The following PATJ variants were observed in gnomAD, a reference collection of about 807,000 sequenced individuals.
The protein encoded by PATJ is PATJ crumbs cell polarity complex component, also known as inaD-like protein.
Under a neutral mutation model 224.9 loss-of-function variants are expected in PATJ, and 190 were observed. That is an observed-to-expected ratio of 0.84 (90% CI 0.75 to 0.95). PATJ has a LOEUF of 0.95. Ranked by LOEUF, PATJ falls within the 40% of genes least tolerant of loss-of-function variation. PATJ has a pLI of 0.00. For synonymous variants in PATJ, 769 were observed against 820.3 expected, an observed-to-expected ratio of 0.94 and a Z score of 1.07; for missense variants, 2,121 against 2,270.3, an observed-to-expected ratio of 0.93 and a Z score of 1.34.
intron 28 of PATJ, among the ~76,000 whole-genome samples, chr1:61,992,539 C>T (rs1645130677): frequency 6.6e-6 from 1 of 152,134 alleles, no homozygotes. Flanking sequence ...CATATCTAGA[C>T]AGAGATTTCC....
intron 21 of PATJ, among the ~76,000 whole-genome samples, chr1:61,878,787 ATT>A (rs570059873): frequency 6.9e-6 from 1 of 145,732 alleles, no homozygotes; most frequent in Non-Finnish European, 1.5e-5. Context: ...GAACTTATGG[ATT>A]TTTTTTTTTT....
At chr1:62,142,347 C>CT (rs113854474) in intron 41 of PATJ, among the ~76,000 whole-genome samples, 14 of 148,078 alleles carry the variant, frequency 9.5e-5, no homozygotes, top group Middle Eastern at 3.5e-3. Context: ...TGCCTTGTTA[C>CT]TTTTTTTTTT....
Position 61,795,567 on chromosome 1 carries a change from C to T in PATJ, c.1260+9C>T. 9.6e-6 allele frequency: 15 copies of T among 1,569,330 alleles called. No individual in the cohort carries two copies. Among genetic ancestry groups the T allele is most frequent in the Non-Finnish European group, 1.3e-5 (15 of 1,141,050 alleles). ...ATGACAAAATAGTTGCTGTAAGTAA[C>T]TCGCCTCTGTTTTAGGTTTGATTCT... is the stretch of plus-strand genomic sequence containing the variant. On this transcript the variant is annotated intron_variant, in intron 10 of 43. Transcript: ENST00000642238.
At chr1:61,835,704 T>C (rs1423345820) in intron 17 of PATJ, among the ~76,000 whole-genome samples, 1 of 152,102 alleles carries the variant, frequency 6.6e-6, no homozygotes, top group African/African-American at 2.4e-5. Flanking sequence ...ACGCCCAGCC[T>C]AGGTTAGCCA....
At position 62,161,160 on chromosome 1, in the gene PATJ, T is replaced by C; in HGVS notation, c.*106T>C. ...ACCCTCAACTAAAATGCACCTTCATTCTTATTTCTTGCCCTCTCTGCTCAG... is the reference window on the plus strand; with the variant it reads ...ACCCTCAACTAAAATGCACCTTCATCCTTATTTCTTGCCCTCTCTGCTCAG... On this transcript the variant is annotated 3_prime_UTR_variant, in exon 44 of 44. Transcript: ENST00000642238. 1 of 874,510 alleles carries C rather than the reference T, an allele frequency of 1.1e-6. No individual in the cohort carries two copies. The highest frequency in any genetic ancestry group is 1.6e-6 in the Non-Finnish European group (1 of 633,556). The allele number at this position is 874,510 out of a possible 1,614,324, so 54.2% of individuals were successfully genotyped here. A position where few individuals can be genotyped will look rare whatever the true frequency, so the allele number is the denominator to read the frequency against.
rs758851241 is a variant in PATJ at position 62,127,962 on chromosome 1, C to A, written c.5044-10C>A. On this transcript the variant is annotated splice_polypyrimidine_tract_variant and intron_variant, in intron 39 of 43. Coordinates refer to ENST00000642238, the MANE Select transcript of PATJ (RefSeq NM_001350145.3). ...AAATATAAAAGCATTATGTTTTCTT[C>A]CTTTTTTAGGAGCTCAGTGATGCCC... is the stretch of plus-strand genomic sequence containing the variant. 8.8e-5 allele frequency: 142 copies of A among 1,613,476 alleles called. No individual in the cohort carries two copies. The highest frequency in any genetic ancestry group is 1.1e-4 in the Non-Finnish European group (135 of 1,179,698).
chr1:61,931,431 G>A (rs1323015469), intron 27 of PATJ, among the ~76,000 whole-genome samples: 3 of 152,142 alleles, frequency 2.0e-5, no homozygotes, highest in Non-Finnish European at 2.9e-5. Context: ...ATGATAGCAT[G>A]AGAATAAGTG....
intron 1 of PATJ, among the ~76,000 whole-genome samples, chr1:61,758,179 A>G (rs1645756785): frequency 1.3e-5 from 2 of 152,206 alleles, no homozygotes; most frequent in Admixed American, 6.6e-5. Context: ...GAAGCCGCAG[A>G]CACAGATGAG....
intron 27 of PATJ, among the ~76,000 whole-genome samples, chr1:61,965,547 A>G (rs1682006434): frequency 6.6e-6 from 1 of 152,204 alleles, no homozygotes; most frequent in African/African-American, 2.4e-5. Context: ...AACCAGTGGA[A>G]CCTTTTTAAT....
Position 62,065,259 on chromosome 1 carries a change from C to G in PATJ, c.4126-14191C>G, listed in dbSNP as rs950363800. Among the ~76,000 whole-genome samples, 7 of 152,248 alleles carry G rather than the reference C, an allele frequency of 4.6e-5. No homozygotes were observed. In the South Asian group the frequency reaches 6.2e-4, roughly 14 times the overall value. ...ATGTAGAGACACCAGGGTAACAGAG[C>G]AAGTAACCTCATGAACTCAAAGACA... On this transcript the variant is annotated intron_variant, in intron 31 of 43. Transcript: ENST00000642238.
chr1:62,111,281 A>G lies in PATJ; in HGVS notation c.4461+2761A>G, dbSNP rs1449106595. On this transcript the variant is annotated intron_variant, in intron 34 of 43. Coordinates refer to ENST00000642238, the MANE Select transcript of PATJ (RefSeq NM_001350145.3). ...TGTGCCATCTGTTGGAATACAGGAA[A>G]ATAACTCAGACCACATTTCCTGGAA... 2.0e-5 allele frequency among the ~76,000 whole-genome samples: 3 copies of G among 152,338 alleles called. No individual in the cohort carries two copies. In the East Asian group the frequency reaches 5.8e-4, roughly 29 times the overall value.
chr1:61,742,718 A>G (rs1183504234), intron 1 of PATJ, among the ~76,000 whole-genome samples, 163 bp downstream of exon 1: 1 of 150,834 alleles, frequency 6.6e-6, no homozygotes, highest in African/African-American at 2.4e-5. Context: ...CCGGAGGTGG[A>G]GGGCGCCGCC....
chr1:62,038,841 G>GA (rs1650936781), intron 30 of PATJ: 1 of 710,690 alleles, frequency 1.4e-6, no homozygotes, highest in Admixed American at 1.8e-5. Context: ...CGGTGGGTGG[G>GA]ATGGAGGCGA....
intron 13 of PATJ, 83 bp from the exon 14 acceptor site, chr1:61,808,391 G>T (rs527647825): frequency 4.9e-6 from 4 of 809,650 alleles, no homozygotes; most frequent in Non-Finnish European, 8.5e-6. Flanking sequence ...TCAATATATA[G>T]GTTTTACAGA....
rs1649040943 is a variant in PATJ, at chr1:61,788,326, G to A, written c.1068+354G>A. 2.0e-5 allele frequency among the ~76,000 whole-genome samples: 3 copies of A among 152,032 alleles called. No individual in the cohort carries two copies. In the South Asian group the frequency reaches 6.2e-4, roughly 32 times the overall value. On this transcript the variant is annotated intron_variant, in intron 8 of 43. Transcript: ENST00000642238. ...AATTATCACTGGTAGCCACAGGCTG[G>A]TTAAAGGGAATGGATATCAATAATA...
chr1:62,147,149 T>C (rs958978281), intron 41 of PATJ, among the ~76,000 whole-genome samples: 8 of 152,110 alleles, frequency 5.3e-5, no homozygotes, highest in Non-Finnish European at 1.0e-4. Flanking sequence ...TTAGATGGCA[T>C]TTACATTCAT....
intron 27 of PATJ, among the ~76,000 whole-genome samples, chr1:61,935,726 G>A (rs1479176059): frequency 6.6e-6 from 1 of 152,046 alleles, no homozygotes; most frequent in Non-Finnish European, 1.5e-5. Context: ...GGGAGGTCAA[G>A]GTTACAGTGA....
intron 31 of PATJ, among the ~76,000 whole-genome samples, chr1:62,071,679 G>A (rs891881618): frequency 1.3e-5 from 2 of 151,884 alleles, no homozygotes; most frequent in Non-Finnish European, 2.9e-5. Context: ...ACGGGGTTTT[G>A]CCATATTGGC....
chr1:61,921,066 G>A (rs2149260917), intron 26 of PATJ, among the ~76,000 whole-genome samples: 1 of 152,112 alleles, frequency 6.6e-6, no homozygotes, highest in South Asian at 2.1e-4. Context: ...CTCAAGCTAA[G>A]ACAAAGACCA....
Sources: gnomAD v4.1 joint callset for allele counts (sites outside exome capture counted in the v4.1 genomes callset) on GRCh38, gnomAD v4.1.1 for gene constraint, MANE v1.5 for transcripts, NCBI Gene and HGNC (gene_info 2026-07-23, HGNC 2026-07-21) for gene names.